MARCO: variants seen among roughly 807,000 people sequenced by gnomAD.
The protein encoded by MARCO is macrophage receptor with collagenous structure.
A neutral mutation model predicts 70.0 loss-of-function variants in MARCO; 72 were observed. That is an observed-to-expected ratio of 1.03 (90% confidence interval 0.85 to 1.25). MARCO has a LOEUF of 1.25. MARCO is among the 50% of genes most tolerant of loss of function. The pLI is 0.00. For missense variants in MARCO, 696 were observed against 659.3 expected (o/e 1.06, Z -0.61); for synonymous variants, 273 against 243.1 (o/e 1.12, Z -1.14).
Position 118,982,334 on chromosome 2 carries a change from T to G in MARCO, c.1001-14T>G. 3 of 1,613,768 alleles carry G rather than the reference T, an allele frequency of 1.9e-6. No homozygotes were observed. The highest frequency in any genetic ancestry group is 2.5e-6 in the Non-Finnish European group (3 of 1,179,794). ...AGTCCAGCCCTTATGCTCTCTGTGG[T>G]GTCTGTTGTCCAGGACTTCCAGGGA... is the stretch of plus-strand genomic sequence containing the variant. On this transcript the variant is annotated splice_polypyrimidine_tract_variant and intron_variant, in intron 11 of 16. Coordinates refer to ENST00000327097, the MANE Select transcript of MARCO (RefSeq NM_006770.4).
chr2:118,989,364 C>A (rs1242755801), intron 12 of MARCO, among the ~76,000 whole-genome samples: 1 of 152,140 alleles, frequency 6.6e-6, no homozygotes, highest in Non-Finnish European at 1.5e-5. Flanking sequence ...CTTTCCCTAA[C>A]ACGAGGAACA....
In MARCO at chr2:118,981,436, G is replaced by A; in HGVS notation, c.794G>A (p.Gly265Glu). Residue 265 changes from glycine (G) to glutamate (E), a missense_variant, in exon 9 of 17, where the codon GGA becomes GAA. Physicochemically the swap from Gly to Glu is moderately conservative, Grantham distance 98. Coordinates refer to ENST00000327097, the MANE Select transcript of MARCO (RefSeq NM_006770.4). ...PGSKGDRGMK[G>E]DAGVMGPPGA... is the part of the protein sequence containing the mutation. ...AGCAAAGGGGACAGGGGCATGAAAG[G>A]AGATGCAGGGGTCATGGGGCCTCCT... is the stretch of plus-strand genomic sequence containing the variant. 1.3e-6 allele frequency: 2 copies of A among 1,599,998 alleles called. No individual in the cohort carries two copies. Among genetic ancestry groups the A allele is most frequent in the Admixed American group, 3.6e-5 (2 of 54,832 alleles).
rs1680147473 is a variant in MARCO at position 118,970,599 on chromosome 2, TG to T, written c.424+265del. On this transcript the variant is annotated intron_variant, in intron 3 of 16. Transcript: ENST00000327097. ...CAGCTGACTTACACTGACATGAGGT[TG>T]GGGAGAGAGCAACTGAAGGCACCAA... Among the ~76,000 whole-genome samples the T allele has an allele frequency of 2.0e-5, 3 of 152,128 alleles. No homozygotes were observed. In the South Asian group the frequency reaches 6.2e-4, roughly 32 times the overall value.
intron 12 of MARCO, among the ~76,000 whole-genome samples, chr2:118,986,653 G>GAAACA (rs1481384770): frequency 2.6e-5 from 1 of 38,104 alleles, no homozygotes; most frequent in African/African-American, 1.7e-4. Context: ...AAGAAAGAAA[G>GAAACA]AAGGAAGGAA....
At chr2:118,956,288 G>A (rs576604263) in intron 1 of MARCO, among the ~76,000 whole-genome samples, 2 of 152,130 alleles carry the variant, frequency 1.3e-5, no homozygotes, top group African/African-American at 4.8e-5. Flanking sequence ...TAAAATAAAG[G>A]GGTGGAGAAA....
intron 1 of MARCO, among the ~76,000 whole-genome samples, chr2:118,962,822 G>C (rs1454925067): frequency 1.3e-5 from 2 of 151,882 alleles, no homozygotes; most frequent in African/African-American, 4.8e-5. Flanking sequence ...ATTTCACCTT[G>C]GCTGAGTTTT....
intron 1 of MARCO, among the ~76,000 whole-genome samples, chr2:118,955,368 CA>C (rs1297298995): frequency 6.6e-6 from 1 of 151,928 alleles, no homozygotes; most frequent in African/African-American, 2.4e-5. Context: ...AGCTCAAAGA[CA>C]AGGTCTTTGA....
intron 7 of MARCO, 150 bp downstream of exon 7, chr2:118,977,665 C>A: frequency 1.3e-6 from 1 of 787,534 alleles, no homozygotes; most frequent in Non-Finnish European, 2.0e-6. Context: ...TGAGTCCTGT[C>A]ACATTTCTTC....
At chr2:118,989,133 C>T (rs180983863) in intron 12 of MARCO, among the ~76,000 whole-genome samples, 70 of 152,212 alleles carry the variant, frequency 4.6e-4, no homozygotes, top group Non-Finnish European at 1.9e-4. Context: ...TTGTCTTGGG[C>T]GAGGGAGAGA....
intron 4 of MARCO, among the ~76,000 whole-genome samples, chr2:118,972,285 C>A (rs1237103598): frequency 6.6e-6 from 1 of 152,226 alleles, no homozygotes; most frequent in East Asian, 1.9e-4. Flanking sequence ...TCCATTTCAT[C>A]TGCTGAGTGG....
intron 6 of MARCO, among the ~76,000 whole-genome samples, chr2:118,975,329 C>G (rs956407191): frequency 6.6e-6 from 1 of 152,182 alleles, no homozygotes; most frequent in African/African-American, 2.4e-5. Context: ...ACATTAAGAC[C>G]TTTACTAGAC....
chr2:118,978,080 T>G (rs536972490), intron 8 of MARCO, 145 bp downstream of exon 8: 1 of 569,172 alleles, frequency 1.8e-6, no homozygotes, highest in South Asian at 2.7e-5. Context: ...CCACACATAG[T>G]CTCTTCTTTC....
intron 12 of MARCO, among the ~76,000 whole-genome samples, chr2:118,985,959 A>G (rs2104602867): frequency 6.6e-6 from 1 of 152,298 alleles, no homozygotes; most frequent in Middle Eastern, 3.4e-3. Context: ...CTGTATTTGA[A>G]GATGTTTTAC....
At chr2:118,954,594 C>T (rs115606730) in intron 1 of MARCO, among the ~76,000 whole-genome samples, 1,693 of 152,312 alleles carry the variant, frequency 0.011, 23 homozygotes, top group African/African-American at 0.037. Flanking sequence ...AAATTGCTAC[C>T]TCCTGGCAGG....
At chr2:118,977,705 C>A in intron 7 of MARCO, 123 bp from the exon 8 acceptor site, 12 of 825,538 alleles carry the variant, frequency 1.5e-5, no homozygotes, top group Admixed American at 1.3e-4. Flanking sequence ...GCTAGCACAT[C>A]CCCCAGAGGA....
intron 14 of MARCO, 28 bp downstream of exon 14, chr2:118,991,903 T>A (rs537943568): frequency 6.9e-7 from 1 of 1,450,038 alleles, no homozygotes; most frequent in South Asian, 1.2e-5. Flanking sequence ...GATTCCTTTG[T>A]TCTTAGGACT....
intron 1 of MARCO, among the ~76,000 whole-genome samples, chr2:118,957,233 C>G (rs1486590898): frequency 6.6e-6 from 1 of 151,658 alleles, no homozygotes; most frequent in African/African-American, 2.4e-5. Context: ...ATTGATAGAC[C>G]GTTAACAAGA....
chr2:118,955,688 A>T (rs1679821820), intron 1 of MARCO, among the ~76,000 whole-genome samples: 2 of 152,232 alleles, frequency 1.3e-5, no homozygotes, highest in South Asian at 4.1e-4. Context: ...AAAGAGTCTT[A>T]AGAGCTGTGA....
At chr2:118,953,908 G>A (rs189281479) in intron 1 of MARCO, among the ~76,000 whole-genome samples, 2 of 152,300 alleles carry the variant, frequency 1.3e-5, no homozygotes, top group African/African-American at 4.8e-5. Context: ...CAGCAGAAAG[G>A]CCCTGGGAGC....
Sources: gnomAD v4.1 joint callset for allele counts (sites outside exome capture counted in the v4.1 genomes callset) on GRCh38, gnomAD v4.1.1 for gene constraint, MANE v1.5 for transcripts, NCBI Gene and HGNC (gene_info 2026-07-23, HGNC 2026-07-21) for gene names.